DPP4: variants seen among roughly 807,000 people sequenced by gnomAD.
DPP4 encodes ADCP-2.
Under a neutral mutation model 122.4 loss-of-function variants are expected in DPP4, and 93 were observed. The observed-to-expected ratio is 0.76, with a 90% confidence interval of 0.64 to 0.90. The LOEUF (loss-of-function observed/expected upper bound fraction) is 0.90. Among genes scored for constraint, DPP4 ranks in the 40% least tolerant of loss-of-function variants. The pLI is 0.00. For synonymous variants in DPP4, 321 were observed against 302.9 expected, an observed-to-expected ratio of 1.06 and a Z score of -0.62; for missense variants, 914 against 907.3, an observed-to-expected ratio of 1.01 and a Z score of -0.09.
At chr2:162,056,143 C>CT (rs1263259296) in intron 2 of DPP4, among the ~76,000 whole-genome samples, 1 of 152,230 alleles carries the variant, frequency 6.6e-6, no homozygotes, top group Admixed American at 6.5e-5. Context: ...CTCTACTACT[C>CT]TTTCCAGCAT....
chr2:162,073,308 C>T lies in DPP4; in HGVS notation c.94+91G>A, dbSNP rs1410465597. The stretch of plus-strand genomic sequence containing the variant: ...ACACTTCGGGGCACTGGTCCAACCC[C>T]ACGCAAAATCCCTCGTTTCCCTTAG... On this transcript the variant is annotated intron_variant, in intron 2 of 25. Coordinates refer to ENST00000360534, the MANE Select transcript of DPP4 (RefSeq NM_001935.4). 3.0e-6 allele frequency: 4 copies of T among 1,349,884 alleles called. No individual in the cohort carries two copies. The South Asian group carries it at 3.6e-5, about 12-fold the overall frequency. 83.6% of individuals were successfully genotyped at this position (1,349,884 alleles called of 1,614,324 possible). A position where few individuals can be genotyped will look rare whatever the true frequency, so the allele number is the denominator to read the frequency against.
chr2:162,008,495 T>C lies in DPP4; in HGVS notation c.1987+67A>G, dbSNP rs999532414. 3.8e-6 allele frequency: 5 copies of C among 1,324,054 alleles called. No homozygotes were observed. In the African/African-American group the frequency reaches 5.8e-5, roughly 15 times the overall value. 82.0% of individuals were successfully genotyped at this position (1,324,054 alleles called of 1,614,324 possible). A position where few individuals can be genotyped will look rare whatever the true frequency, so the allele number is the denominator to read the frequency against. On this transcript the variant is annotated intron_variant, in intron 22 of 25. Coordinates refer to ENST00000360534, the MANE Select transcript of DPP4 (RefSeq NM_001935.4). The stretch of plus-strand genomic sequence containing the variant: ...AAAAACACTGAAACTCAGAAAGGAA[T>C]GGCTTTGTTACTGGCATTTTGAGGT...
chr2:162,032,459 G>A (rs1450778999), intron 10 of DPP4, among the ~76,000 whole-genome samples: 11 of 152,206 alleles, frequency 7.2e-5, no homozygotes, highest in Admixed American at 6.5e-4. Context: ...AGGCCAAGGC[G>A]GGCAGATCAT....
intron 23 of DPP4, among the ~76,000 whole-genome samples, chr2:161,995,756 G>A (rs1038008864): frequency 6.6e-6 from 1 of 152,158 alleles, no homozygotes; most frequent in African/African-American, 2.4e-5. Context: ...AAAGTGTATT[G>A]CCATGGCAAC....
At chr2:162,066,462 T>C (rs1404919519) in intron 2 of DPP4, among the ~76,000 whole-genome samples, 2 of 152,150 alleles carry the variant, frequency 1.3e-5, no homozygotes, top group Non-Finnish European at 2.9e-5. Context: ...GAAACTCCTT[T>C]CTGTGTCTGC....
chr2:162,049,074 C>T (rs1684289923), intron 2 of DPP4, among the ~76,000 whole-genome samples: 1 of 152,180 alleles, frequency 6.6e-6, no homozygotes, highest in Admixed American at 6.5e-5. Flanking sequence ...TCCACATACA[C>T]ACAAACATAC....
At chr2:162,055,462 C>A (rs1295458929) in intron 2 of DPP4, among the ~76,000 whole-genome samples, 1 of 151,884 alleles carries the variant, frequency 6.6e-6, no homozygotes, top group Admixed American at 6.6e-5. Context: ...TTTGGGAGGC[C>A]GAGATGGGTG....
chr2:162,067,607 A>G (rs954662705), intron 2 of DPP4, among the ~76,000 whole-genome samples: 15 of 152,146 alleles, frequency 9.9e-5, no homozygotes, highest in Non-Finnish European at 2.2e-4. Context: ...TTAAATTTGT[A>G]AAAGCTTCCT....
chr2:162,028,870 G>A (rs115178683), intron 10 of DPP4, among the ~76,000 whole-genome samples: 9 of 152,240 alleles, frequency 5.9e-5, no homozygotes, highest in Non-Finnish European at 7.4e-5. Flanking sequence ...GCCCACTATC[G>A]CCCAACTGGG....
At chr2:162,006,388 G>A (rs1281266041) in intron 22 of DPP4, among the ~76,000 whole-genome samples, 2 of 152,108 alleles carry the variant, frequency 1.3e-5, no homozygotes, top group Non-Finnish European at 2.9e-5. Flanking sequence ...TTGGAGATCA[G>A]ACTGGGATTC....
chr2:161,995,877 C>T (rs564668196), intron 23 of DPP4, among the ~76,000 whole-genome samples: 11 of 152,160 alleles, frequency 7.2e-5, no homozygotes, highest in Non-Finnish European at 1.5e-4. Flanking sequence ...CATTGCTGAG[C>T]TCTGAATGAA....
rs1559701385 is a variant in DPP4, at chr2:161,993,329, T to A, written c.2255A>T (p.Tyr752Phe). ...IASSTAHQHI[Y>F]THMSHFIKQC... ...TTTTATGAAGTGGCTCATGTGGGTA[T>A]ATATATGTTGGTGTGCTGTGCTGCT... Residue 752 changes from tyrosine (Y) to phenylalanine (F), a missense_variant, in exon 26 of 26, where the codon TAT becomes TTT. By Grantham distance (22) the Tyr-to-Phe change is conservative. Coordinates refer to ENST00000360534, the MANE Select transcript of DPP4 (RefSeq NM_001935.4). 1 of 1,613,678 alleles carries A rather than the reference T, an allele frequency of 6.2e-7. No individual in the cohort carries two copies. Among genetic ancestry groups the A allele is most frequent in the Non-Finnish European group, 8.5e-7 (1 of 1,179,712 alleles).
chr2:162,040,381 G>A lies in DPP4; in HGVS notation c.367-1197C>T, dbSNP rs182778778. ...ACAATGGAATCTTATTTAATGATAA[G>A]AAGAATGAGCTATTAAGCCACAAAA... On this transcript the variant is annotated intron_variant, in intron 5 of 25. Transcript: ENST00000360534. Among the ~76,000 whole-genome samples, 71 of 150,760 alleles carry A rather than the reference G, an allele frequency of 4.7e-4. No homozygotes were observed. In the East Asian group the frequency reaches 0.013, roughly 27 times the overall value.
At chr2:162,058,080 T>C (rs1684640700) in intron 2 of DPP4, among the ~76,000 whole-genome samples, 1 of 152,154 alleles carries the variant, frequency 6.6e-6, no homozygotes. Context: ...GCCTCTAGTA[T>C]GATTTCCCTA....
At chr2:162,026,317 G>A (rs1245556086) in intron 10 of DPP4, among the ~76,000 whole-genome samples, 3 of 152,158 alleles carry the variant, frequency 2.0e-5, no homozygotes, top group Admixed American at 6.5e-5. Flanking sequence ...CCTGCTGTAA[G>A]GCGCAGGTAC....
At chr2:162,025,999 C>A (rs145751626) in intron 10 of DPP4, among the ~76,000 whole-genome samples, 1 of 152,178 alleles carries the variant, frequency 6.6e-6, no homozygotes, top group South Asian at 2.1e-4. Context: ...TGACTCAACA[C>A]AGGCACTAAT....
In DPP4 at chr2:162,047,512, GA is replaced by G; in HGVS notation, c.95-12del. ...CTGTAGCATCATCTGCTGGTTGAAA[GA>G]AAGAGCCAAATGTTCATTTCAGTAA... is the stretch of plus-strand genomic sequence containing the variant. On this transcript the variant is annotated splice_polypyrimidine_tract_variant and intron_variant, in intron 2 of 25. Coordinates refer to ENST00000360534, the MANE Select transcript of DPP4 (RefSeq NM_001935.4). The G allele has an allele frequency of 6.5e-7, 1 of 1,538,090 alleles. No homozygotes were observed. Among genetic ancestry groups the G allele is most frequent in the Non-Finnish European group, 8.9e-7 (1 of 1,128,452 alleles).
At chr2:162,009,484 T>C (rs536042589) in intron 20 of DPP4, among the ~76,000 whole-genome samples, 189 bp from the exon 21 acceptor site, 3 of 151,644 alleles carry the variant, frequency 2.0e-5, no homozygotes, top group South Asian at 2.1e-4. Context: ...CAGATGAACA[T>C]GGTTTACTTT....
At chr2:162,027,039 T>C (rs1280206431) in intron 10 of DPP4, among the ~76,000 whole-genome samples, 1 of 152,196 alleles carries the variant, frequency 6.6e-6, no homozygotes, top group Non-Finnish European at 1.5e-5. Flanking sequence ...AGCTAAAATT[T>C]GAATTTCATT....
Sources: gnomAD v4.1 joint callset for allele counts (sites outside exome capture counted in the v4.1 genomes callset) on GRCh38, gnomAD v4.1.1 for gene constraint, MANE v1.5 for transcripts, NCBI Gene and HGNC (gene_info 2026-07-23, HGNC 2026-07-21) for gene names.